MMP11: variants seen among roughly 807,000 people sequenced by gnomAD.
The protein encoded by MMP11 is matrix metallopeptidase 11, also known as stromelysin-3.
In MMP11, 26 loss-of-function variants were observed where a neutral mutation model predicts 49.5. The observed-to-expected ratio is 0.52, with a 90% CI of 0.38 to 0.73. The LOEUF (loss-of-function observed/expected upper bound fraction) is 0.73, where lower values mean the gene tolerates loss of function less well. MMP11 is among the 30% of genes least tolerant of loss of function. The pLI is 0.00. For missense variants in MMP11, 624 were observed against 671.2 expected (o/e 0.93, Z 0.78); for synonymous variants, 265 against 282.3 (o/e 0.94, Z 0.62).
intron 6 of MMP11, chr22:23,781,622 G>A (rs1927638335): frequency 1.6e-6 from 1 of 631,332 alleles, no homozygotes. Context: ...CAGCGTGGAA[G>A]GGATTGCACG....
In MMP11 at chr22:23,780,455, T is replaced by C. The variant is rs777891549; in HGVS notation, c.435T>C (p.Phe145=). ...GGAGCGATGTGACGCCACTCACCTT[T>C]ACTGAGGTGCACGAGGGCCGTGCTG... ...KVWSDVTPLT[F]TEVHEGRADI... Residue 145 remains phenylalanine, a synonymous_variant, in exon 3 of 8, where the codon TTT becomes TTC. Transcript: ENST00000215743. The surrounding 1 kb of genome is among the most constrained non-coding windows in gnomAD (Gnocchi z 4.6). 3.1e-6 allele frequency: 5 copies of C among 1,613,990 alleles called. No individual in the cohort carries two copies. In the South Asian group the frequency reaches 5.5e-5, roughly 18 times the overall value.
rs978336376 is a variant in MMP11, at chr22:23,773,869, G to A, written c.108+891G>A. The stretch of plus-strand genomic sequence containing the variant: ...AGGGTGTGACAGGCAGGAGTCTCAG[G>A]ACTGGCCTGGTGAGGAGGCAGGCCT... On this transcript the variant is annotated intron_variant, in intron 1 of 7. Transcript: ENST00000215743. Among the ~76,000 whole-genome samples the A allele has an allele frequency of 2.0e-5, 3 of 152,222 alleles. No homozygotes were observed. In the South Asian group the frequency reaches 6.2e-4, roughly 31 times the overall value.
At chr22:23,777,189 G>A (rs1451563242) in intron 1 of MMP11, among the ~76,000 whole-genome samples, 1 of 142,446 alleles carries the variant, frequency 7.0e-6, no homozygotes, top group Non-Finnish European at 1.5e-5. Context: ...TTGGGAGGCC[G>A]AGGCAGGTGG....
chr22:23,774,821 G>C (rs556839964), intron 1 of MMP11, among the ~76,000 whole-genome samples: 1 of 152,080 alleles, frequency 6.6e-6, no homozygotes, highest in Non-Finnish European at 1.5e-5. Context: ...CCAGCCTTTC[G>C]CAGTGTTTCC....
At chr22:23,779,889 A>C (rs1927553790) in intron 2 of MMP11, 1 of 255,638 alleles carries the variant, frequency 3.9e-6, no homozygotes, top group Non-Finnish European at 7.6e-6. Context: ...TGGGCATCTC[A>C]CTGGGTGACC....
Position 23,780,710 on chromosome 22 carries a change from A to T in MMP11, c.611A>T (p.Asp204Val). Residue 204 changes from aspartate (D) to valine (V), a missense_variant, in exon 4 of 8, where the codon GAC becomes GTC. Physicochemically the swap from Asp to Val is radical, Grantham distance 152. Coordinates refer to ENST00000215743, the MANE Select transcript of MMP11 (RefSeq NM_005940.5). The surrounding 1 kb of genome is among the most constrained non-coding windows in gnomAD (Gnocchi z 4.6). ...GATGAGACCTGGACTATCGGGGATG[A>T]CCAGGGTATGGGCTGGGGACCCATT... ...DYDETWTIGD[D>V]QGTDLLQVAA... 1 of 1,552,884 alleles carries T rather than the reference A, an allele frequency of 6.4e-7. No individual in the cohort carries two copies. Among genetic ancestry groups the T allele is most frequent in the South Asian group, 1.2e-5 (1 of 81,660 alleles).
In MMP11 at chr22:23,782,276, C is replaced by T. The variant is rs746208550; in HGVS notation, c.1126C>T (p.Pro376Ser). The T allele has an allele frequency of 5.0e-6, 8 of 1,613,798 alleles. No homozygotes were observed. Among genetic ancestry groups the T allele is most frequent in the Admixed American group, 3.3e-5 (2 of 60,016 alleles). ...TGAAAAGCCAGTCCTGGGCCCCGCA[C>T]CCCTCACCGAGCTGGGCCTGGTGAG... ...DGEKPVLGPA[P>S]LTELGLVRFP... The change falls in exon 7 of 8, where the codon CCC becomes TCC. Residue 376 changes from proline to serine, a missense_variant. Coordinates refer to ENST00000215743, the MANE Select transcript of MMP11 (RefSeq NM_005940.5).
chr22:23,781,497 G>A, intron 6 of MMP11, 88 bp downstream of exon 6: 1 of 1,249,284 alleles, frequency 8.0e-7, no homozygotes. Context: ...TGGATCCTTA[G>A]GGACACAGTG....
intron 6 of MMP11, 110 bp downstream of exon 6, chr22:23,781,519 C>A: frequency 9.2e-7 from 1 of 1,081,628 alleles, no homozygotes; most frequent in Non-Finnish European, 1.3e-6. Context: ...ATAGGGAGAG[C>A]TGCCCCAAAG....
At chr22:23,779,070 T>C (rs1289923587) in intron 1 of MMP11, 117 bp from the exon 2 acceptor site, 9 of 798,632 alleles carry the variant, frequency 1.1e-5, no homozygotes, top group Non-Finnish European at 5.9e-6. Context: ...CCTCTCCATT[T>C]GCCCAGCCAC....
Position 23,780,267 on chromosome 22 carries a change from A to G in MMP11, c.339-92A>G. ...CCTGGCCTGTGTCCTGAGTGTTCACACACCCACCAAGCATCCAGGGGCAAC... is the reference window on the plus strand; with the variant it reads ...CCTGGCCTGTGTCCTGAGTGTTCACGCACCCACCAAGCATCCAGGGGCAAC... On this transcript the variant is annotated intron_variant, in intron 2 of 7. Transcript: ENST00000215743. This position sits in a 1 kb window ranked among gnomAD's most constrained non-coding sequence, Gnocchi z 4.6. 1.3e-6 allele frequency: 2 copies of G among 1,531,684 alleles called. No individual in the cohort carries two copies. Among genetic ancestry groups the G allele is most frequent in the South Asian group, 2.4e-5 (2 of 85,054 alleles). 94.9% of individuals were successfully genotyped at this position (1,531,684 alleles called of 1,614,324 possible). A position where few individuals can be genotyped will look rare whatever the true frequency, so the allele number is the denominator to read the frequency against.
In MMP11 at chr22:23,780,658, C is replaced by T. The variant is rs566121317; in HGVS notation, c.559C>T (p.Arg187Ter). ...CCATGCCTTCTTCCCCAAGACTCAC[C>T]GAGAAGGGGATGTCCACTTCGACTA... ...LAHAFFPKTH[R>*]EGDVHFDYDE... Residue 187 changes from arginine (R) to a stop codon, truncating the protein, a stop_gained, in exon 4 of 8, where the codon CGA becomes TGA. Transcript: ENST00000215743. LOFTEE classifies it high-confidence loss of function. This position sits in a 1 kb window ranked among gnomAD's most constrained non-coding sequence, Gnocchi z 4.6. The T allele has an allele frequency of 1.7e-5, 27 of 1,582,574 alleles. No individual in the cohort carries two copies. Among genetic ancestry groups the T allele is most frequent in the Middle Eastern group, 1.7e-4 (1 of 5,876 alleles).
intron 7 of MMP11, among the ~76,000 whole-genome samples, 198 bp from the exon 8 acceptor site, chr22:23,783,213 G>C (rs987298723): frequency 6.6e-6 from 1 of 152,130 alleles, no homozygotes; most frequent in African/African-American, 2.4e-5. Context: ...CCAGATTCCG[G>C]GGCAGGCAGA....
intron 1 of MMP11, among the ~76,000 whole-genome samples, chr22:23,778,369 G>A (rs1322097949): frequency 6.6e-6 from 1 of 152,230 alleles, no homozygotes; most frequent in East Asian, 1.9e-4. Context: ...ATCGCCATCT[G>A]TGGTCCTGGG....
chr22:23,772,904 G>T lies in MMP11; in HGVS notation c.34G>T (p.Ala12Ser), dbSNP rs942156863. 4.3e-6 allele frequency: 5 copies of T among 1,173,140 alleles called. No individual in the cohort carries two copies. Among genetic ancestry groups the T allele is most frequent in the Non-Finnish European group, 5.3e-6 (5 of 950,444 alleles). 72.7% of individuals were successfully genotyped at this position (1,173,140 alleles called of 1,614,324 possible). ...APAAWLRSAAARALLPPMLLL... is the reference protein window; with the variant it reads ...APAAWLRSAASRALLPPMLLL... Reference sequence around the variant, plus strand: ...GGCCGCCTGGCTCCGCAGCGCGGCCGCGCGCGCCCTCCTGCCCCCGATGCT... The same window carrying T: ...GGCCGCCTGGCTCCGCAGCGCGGCCTCGCGCGCCCTCCTGCCCCCGATGCT... The change falls in exon 1 of 8, where the codon GCG (alanine) becomes TCG (serine). Residue 12 changes from alanine to serine, a missense_variant. Coordinates refer to ENST00000215743, the MANE Select transcript of MMP11 (RefSeq NM_005940.5).
chr22:23,776,296 C>G (rs964872702), intron 1 of MMP11, among the ~76,000 whole-genome samples: 4 of 152,204 alleles, frequency 2.6e-5, no homozygotes, highest in African/African-American at 9.7e-5. Flanking sequence ...CAGCTCTGCC[C>G]TTTCCAGGGA....
At chr22:23,782,152 G>T in intron 6 of MMP11, 74 bp from the exon 7 acceptor site, 7 of 1,564,654 alleles carry the variant, frequency 4.5e-6, no homozygotes, top group Non-Finnish European at 6.1e-6. Flanking sequence ...TGTGGTAGGG[G>T]TCAAGCAGGT....
intron 1 of MMP11, 120 bp from the exon 2 acceptor site, chr22:23,779,067 A>C: frequency 1.3e-6 from 1 of 787,732 alleles, no homozygotes; most frequent in South Asian, 1.8e-5. Flanking sequence ...TTCCCTCTCC[A>C]TTTGCCCAGC....
intron 7 of MMP11, 123 bp from the exon 8 acceptor site, chr22:23,783,288 C>A: frequency 8.3e-7 from 1 of 1,198,772 alleles, no homozygotes; most frequent in Non-Finnish European, 1.2e-6. Context: ...ACTCGAGGAA[C>A]TCAGCAGTGG....
Sources: allele counts gnomAD v4.1 joint callset (sites outside exome capture counted in the v4.1 genomes callset), GRCh38; gene constraint gnomAD v4.1.1; non-coding constraint Gnocchi (gnomAD v3.1); transcripts MANE v1.5; gene names NCBI Gene and HGNC (gene_info 2026-07-23, HGNC 2026-07-21).